The following NSDHL variants were observed in gnomAD, a reference collection of about 807,000 sequenced individuals.
The protein encoded by NSDHL is NAD(P) dependent 3-beta-hydroxysteroid dehydrogenase NSDHL, also known as sterol-4-alpha-carboxylate 3-dehydrogenase, decarboxylating.
Under a neutral mutation model 23.0 loss-of-function variants are expected in NSDHL, and 1 was observed. That is an observed-to-expected ratio of 0.04 (90% confidence interval 0.02 to 0.21). NSDHL has a LOEUF of 0.21. NSDHL is among the 10% of genes least tolerant of loss of function. NSDHL has a pLI of 1.00. For missense variants in NSDHL, 237 were observed against 300.9 expected (o/e 0.79, Z 1.57); for synonymous variants, 128 against 121.1 (o/e 1.06, Z -0.37).
At chrX:152,868,371 G>C (rs958511484) in intron 7 of NSDHL, among the ~76,000 whole-genome samples, 1 of 111,282 alleles carries the variant, frequency 9.0e-6, no homozygotes, top group African/African-American at 3.3e-5. Context: ...GACCTCAGGT[G>C]ATCTGCCCGC....
At chrX:152,859,087 C>T (rs1556847277) in intron 4 of NSDHL, among the ~76,000 whole-genome samples, 171 bp downstream of exon 4, 1 of 110,612 alleles carries the variant, frequency 9.0e-6, no homozygotes, top group African/African-American at 3.4e-5. Flanking sequence ...TGAAGGTCTG[C>T]TTGCCAAGGC....
At position 152,868,881 on chromosome X, in the gene NSDHL, C is replaced by T; in HGVS notation, c.887C>T (p.Pro296Leu). The change falls in exon 8 of 8, where the codon CCC (proline) becomes CTC (leucine). Residue 296 changes from proline to leucine, a missense_variant. This residue lies in a region of NSDHL where 117 missense variants were observed against 99.5 expected (regional missense o/e 1.18). Transcript: ENST00000370274. ...LNYEAPKYHIPYWVAYYLALL... is the reference protein window; with the variant it reads ...LNYEAPKYHILYWVAYYLALL... The stretch of plus-strand genomic sequence containing the variant: ...TATGAGGCCCCCAAGTACCACATCC[C>T]CTACTGGGTGGCCTACTACCTGGCC... The T allele has an allele frequency of 8.3e-7, 1 of 1,211,011 alleles. No homozygotes were observed. The highest frequency in any genetic ancestry group is 1.1e-6 in the Non-Finnish European group (1 of 894,552).
At chrX:152,867,482 A>C in intron 6 of NSDHL, 89 bp from the exon 7 acceptor site, 1 of 675,535 alleles carries the variant, frequency 1.5e-6, no homozygotes, top group Non-Finnish European at 2.4e-6. Flanking sequence ...TGTAGGTCAC[A>C]GTCTCTCAAA....
intron 3 of NSDHL, among the ~76,000 whole-genome samples, chrX:152,850,825 A>G (rs1181256901): frequency 8.9e-6 from 1 of 112,218 alleles, no homozygotes; most frequent in African/African-American, 3.2e-5. Flanking sequence ...TAAAGTGTGC[A>G]ATTCAGTGAT....
rs1933495258 is a variant in NSDHL at position 152,859,517 on chromosome X, GTCCTCAGGGGTCA to G, written c.414+605_414+617del. Among the ~76,000 whole-genome samples, 3 of 112,106 alleles carry G rather than the reference GTCCTCAGGGGTCA, an allele frequency of 2.7e-5. No homozygotes were observed. The South Asian group carries it at 1.1e-3, about 42-fold the overall frequency. On this transcript the variant is annotated intron_variant, in intron 4 of 7. Coordinates refer to ENST00000370274, the MANE Select transcript of NSDHL (RefSeq NM_015922.3). ...TGTCTGGCTTTTCACCGAGCATGAT[GTCCTCAGGGGTCA>G]TCCATGTTGTAGCATGTGTCGGAAT...
In NSDHL at chrX:152,869,550, T is replaced by C. The variant is rs1475765892; in HGVS notation, c.*434T>C. On this transcript the variant is annotated 3_prime_UTR_variant, in exon 8 of 8. Coordinates refer to ENST00000370274, the MANE Select transcript of NSDHL (RefSeq NM_015922.3). ...CCTCTAGACTTTGTTCAAGATACTC[T>C]ATCTTCAAAATATCCCAGAAGAAAA... 2 of 174,758 alleles carry C rather than the reference T, an allele frequency of 1.1e-5. No homozygotes were observed. Among genetic ancestry groups the C allele is most frequent in the East Asian group, 1.3e-4 (1 of 7,584 alleles). The allele number at this position is 174,758 out of a possible 1,213,427, so 14.4% of individuals were successfully genotyped here.
chrX:152,862,918 T>C (rs921819336), intron 5 of NSDHL, among the ~76,000 whole-genome samples, 194 bp downstream of exon 5: 5 of 111,688 alleles, frequency 4.5e-5, no homozygotes, highest in Admixed American at 9.5e-5. Context: ...TCCCAGCACT[T>C]TGGGAGGCCG....
At chrX:152,842,626 C>T (rs910571675) in intron 1 of NSDHL, among the ~76,000 whole-genome samples, 13 of 111,557 alleles carry the variant, frequency 1.2e-4, no homozygotes, top group Non-Finnish European at 1.9e-4. Context: ...CTCAGCCTCC[C>T]GAGTAGTTGG....
At chrX:152,853,550 G>A (rs960422787) in intron 3 of NSDHL, among the ~76,000 whole-genome samples, 3 of 111,307 alleles carry the variant, frequency 2.7e-5, no homozygotes, top group Admixed American at 9.5e-5. Context: ...AGATCACACC[G>A]CCCTCTGTAC....
chrX:152,847,014 A>G (rs144381023), intron 2 of NSDHL, among the ~76,000 whole-genome samples: 1 of 112,329 alleles, frequency 8.9e-6, no homozygotes, highest in Non-Finnish European at 1.9e-5. Context: ...CACTTCAAAA[A>G]TGTGGCTGGG....
At chrX:152,841,533 G>A (rs913600048) in intron 1 of NSDHL, among the ~76,000 whole-genome samples, 16 of 112,548 alleles carry the variant, frequency 1.4e-4, no homozygotes, top group African/African-American at 4.8e-4. Flanking sequence ...GGCCTGTGGT[G>A]TGGGGCAAGG....
chrX:152,844,541 C>G (rs1177003477), intron 1 of NSDHL, among the ~76,000 whole-genome samples: 1 of 112,669 alleles, frequency 8.9e-6, no homozygotes, highest in Non-Finnish European at 1.9e-5. Flanking sequence ...CAGATGTGAG[C>G]CATCTCCTTG....
Position 152,868,899 on chromosome X carries a change from A to C in NSDHL, c.905A>C (p.Tyr302Ser). 1 of 1,211,816 alleles carries C rather than the reference A, an allele frequency of 8.3e-7. No homozygotes were observed. The highest frequency in any genetic ancestry group is 1.1e-6 in the Non-Finnish European group (1 of 895,409). ...CACATCCCCTACTGGGTGGCCTACT[A>C]CCTGGCCCTCCTGCTATCCCTGCTG... is the stretch of plus-strand genomic sequence containing the variant. Reference protein sequence around the residue: ...KYHIPYWVAYYLALLLSLLVM... With the variant: ...KYHIPYWVAYSLALLLSLLVM... The change falls in exon 8 of 8, where the codon TAC (tyrosine) becomes TCC (serine). Residue 302 changes from tyrosine (Y) to serine (S), a missense_variant. By Grantham distance (144) the Tyr-to-Ser change is moderately radical (BLOSUM62 -2). Coordinates refer to ENST00000370274, the MANE Select transcript of NSDHL (RefSeq NM_015922.3).
At position 152,862,637 on chromosome X, in the gene NSDHL, C is replaced by T. The variant is rs1034610164; in HGVS notation, c.456C>T (p.Gly152=). The T allele has an allele frequency of 2.3e-5, 28 of 1,200,572 alleles. No individual in the cohort carries two copies. Among genetic ancestry groups the T allele is most frequent in the Non-Finnish European group, 3.0e-5 (27 of 887,137 alleles). Residue 152 remains glycine, a synonymous_variant, in exon 5 of 8, where the codon GGC becomes GGT. Transcript: ENST00000370274. ...LTSSASVIFE[G]VDIKNGTEDL... ...GCAGTGCCAGTGTCATCTTTGAGGGCGTCGATATCAAGAATGGAACTGAAG... is the reference window on the plus strand; with the variant it reads ...GCAGTGCCAGTGTCATCTTTGAGGGTGTCGATATCAAGAATGGAACTGAAG...
At position 152,868,951 on chromosome X, in the gene NSDHL, G is replaced by C; in HGVS notation, c.957G>C (p.Gln319His). 1 of 1,212,192 alleles carries C rather than the reference G, an allele frequency of 8.2e-7. No individual in the cohort carries two copies. Among genetic ancestry groups the C allele is most frequent in the Non-Finnish European group, 1.1e-6 (1 of 895,623 alleles). Residue 319 changes from glutamine (Q) to histidine (H), a missense_variant, in exon 8 of 8, where the codon CAG becomes CAC. By Grantham distance (24) the Gln-to-His change is conservative (BLOSUM62 0). This residue lies in a region of NSDHL where 117 missense variants were observed against 99.5 expected (regional missense o/e 1.18). Transcript: ENST00000370274. ...TGATGGTGATCAGTCCTGTCATCCA[G>C]CTGCAGCCCACCTTCACACCCATGC... ...LLVMVISPVI[Q>H]LQPTFTPMRV...
At chrX:152,866,928 C>A (rs985385800) in intron 6 of NSDHL, among the ~76,000 whole-genome samples, 1 of 111,441 alleles carries the variant, frequency 9.0e-6, no homozygotes, top group African/African-American at 3.3e-5. Flanking sequence ...TTGAAGAAAC[C>A]GTGACTCAGA....
chrX:152,842,259 T>C (rs1302717940), intron 1 of NSDHL, among the ~76,000 whole-genome samples: 1 of 111,619 alleles, frequency 9.0e-6, no homozygotes, highest in African/African-American at 3.3e-5. Context: ...CTATTGTAAT[T>C]CTCTGTTTAA....
At chrX:152,856,073 T>C (rs181563485) in intron 3 of NSDHL, among the ~76,000 whole-genome samples, 102 of 112,386 alleles carry the variant, frequency 9.1e-4, no homozygotes, top group African/African-American at 3.2e-3. Flanking sequence ...ACCATGTTTA[T>C]GGTGCTGTAG....
At chrX:152,862,884 G>A (rs950737456) in intron 5 of NSDHL, among the ~76,000 whole-genome samples, 160 bp downstream of exon 5, 9 of 111,965 alleles carry the variant, frequency 8.0e-5, no homozygotes, top group East Asian at 2.8e-4. Flanking sequence ...GTGAGAGGCC[G>A]GGCACGGTGG....
Sources: gnomAD v4.1 joint callset for allele counts (sites outside exome capture counted in the v4.1 genomes callset) on GRCh38, gnomAD v4.1.1 for gene constraint, gnomAD v4.1.1 regional missense constraint, MANE v1.5 for transcripts, NCBI Gene and HGNC (gene_info 2026-07-23, HGNC 2026-07-21) for gene names.